Variants in LRRC4C observed in about 807,000 individuals in gnomAD.
LRRC4C encodes the protein leucine rich repeat containing 4C, also known as leucine-rich repeat-containing protein 4C.
Under a neutral mutation model 33.6 loss-of-function variants are expected in LRRC4C, and 5 were observed. The observed-to-expected ratio is 0.15, with a 90% CI of 0.08 to 0.31. LRRC4C has a LOEUF of 0.31. Ranked by LOEUF, LRRC4C falls within the 10% of genes least tolerant of loss-of-function variation. The probability of loss-of-function intolerance (pLI) is 1.00; values close to 1 mark genes in which losing one functional copy is unlikely to be tolerated. For missense variants in LRRC4C, 560 were observed against 796.7 expected, an observed-to-expected ratio of 0.70 and a Z score of 3.58; for synonymous variants, 329 against 302.0, an observed-to-expected ratio of 1.09 and a Z score of -0.93.
At chr11:41,285,198 T>C (rs1364739527) in intron 1 of LRRC4C, among the ~76,000 whole-genome samples, 3 of 152,122 alleles carry the variant, frequency 2.0e-5, no homozygotes, top group Non-Finnish European at 4.4e-5. Flanking sequence ...CACACATCTA[T>C]CCATCCATCA....
At chr11:40,528,361 T>A (rs1180165589) in intron 3 of LRRC4C, among the ~76,000 whole-genome samples, 1 of 151,992 alleles carries the variant, frequency 6.6e-6, no homozygotes, top group East Asian at 1.9e-4. Context: ...GATTTAAGAA[T>A]GAGATATAAA....
At chr11:41,456,517 C>T (rs1316740859) in intron 1 of LRRC4C, among the ~76,000 whole-genome samples, 4 of 152,094 alleles carry the variant, frequency 2.6e-5, no homozygotes, top group Non-Finnish European at 5.9e-5. Flanking sequence ...GCCTCCTTGT[C>T]TGACTTTAGC....
chr11:40,752,644 A>G (rs1475483340), intron 2 of LRRC4C, among the ~76,000 whole-genome samples: 2 of 152,072 alleles, frequency 1.3e-5, no homozygotes, highest in African/African-American at 4.8e-5. Flanking sequence ...AAGGTGTGGA[A>G]AAAAGGGAAC....
chr11:41,201,520 GAA>G (rs1228223599), intron 1 of LRRC4C, among the ~76,000 whole-genome samples: 1 of 152,116 alleles, frequency 6.6e-6, no homozygotes, highest in Admixed American at 6.6e-5. Flanking sequence ...AGTCTTTAAA[GAA>G]AAGTGTTAAA....
chr11:40,790,628 C>T (rs181758652), intron 2 of LRRC4C, among the ~76,000 whole-genome samples: 7 of 152,304 alleles, frequency 4.6e-5, no homozygotes, highest in Admixed American at 4.6e-4. Context: ...GCATAGACAA[C>T]AACATCTCAT....
intron 1 of LRRC4C, among the ~76,000 whole-genome samples, chr11:41,077,437 C>T (rs975039874): frequency 6.6e-6 from 1 of 152,188 alleles, no homozygotes; most frequent in Non-Finnish European, 1.5e-5. Context: ...CTTCTGCATT[C>T]CTGCAAGCCC....
At chr11:40,980,651 T>G (rs1852451242) in intron 1 of LRRC4C, among the ~76,000 whole-genome samples, 1 of 152,198 alleles carries the variant, frequency 6.6e-6, no homozygotes, top group South Asian at 2.1e-4. Flanking sequence ...ACTTGCGGGT[T>G]ATGGTTAGTT....
intron 3 of LRRC4C, among the ~76,000 whole-genome samples, chr11:40,626,343 C>CT (rs753378296): frequency 4.0e-5 from 6 of 151,826 alleles, no homozygotes; most frequent in South Asian, 2.1e-4. Flanking sequence ...CTCTTTCCTG[C>CT]TTTTTTTAAA....
chr11:40,882,183 AGCTTGCTG>A (rs1470764373), intron 2 of LRRC4C, among the ~76,000 whole-genome samples: 3 of 152,062 alleles, frequency 2.0e-5, no homozygotes, highest in Non-Finnish European at 4.4e-5. Context: ...AGCAGGCCTA[AGCTTGCTG>A]CTCTACACAA....
intron 1 of LRRC4C, among the ~76,000 whole-genome samples, chr11:41,288,909 G>T (rs1949912059): frequency 9.7e-6 from 1 of 103,160 alleles, no homozygotes; most frequent in African/African-American, 3.2e-5. Flanking sequence ...GGGAGGGTAT[G>T]AATGAACCTT....
chr11:40,382,565 T>C (rs1438993588), intron 3 of LRRC4C, among the ~76,000 whole-genome samples: 1 of 151,904 alleles, frequency 6.6e-6, no homozygotes, highest in Admixed American at 6.6e-5. Context: ...TAACCTAAGA[T>C]CTACTCTCTA....
chr11:40,195,613 A>G (rs1862198020), intron 5 of LRRC4C, among the ~76,000 whole-genome samples: 1 of 152,026 alleles, frequency 6.6e-6, no homozygotes, highest in Non-Finnish European at 1.5e-5. Context: ...AAAAAAAATC[A>G]CCTCTTCATG....
intron 1 of LRRC4C, among the ~76,000 whole-genome samples, chr11:40,976,544 C>T (rs901928766): frequency 1.3e-5 from 2 of 152,164 alleles, no homozygotes; most frequent in Admixed American, 6.5e-5. Flanking sequence ...AAGGCTTTAG[C>T]ATGTAGAGAA....
At chr11:40,858,765 T>C (rs1272745515) in intron 2 of LRRC4C, among the ~76,000 whole-genome samples, 1 of 151,236 alleles carries the variant, frequency 6.6e-6, no homozygotes, top group African/African-American at 2.4e-5. Flanking sequence ...AAGCTTATAT[T>C]CTGTATTCAG....
chr11:41,298,340 G>A (rs891215290), intron 1 of LRRC4C, among the ~76,000 whole-genome samples: 1 of 151,962 alleles, frequency 6.6e-6, no homozygotes, highest in African/African-American at 2.4e-5. Flanking sequence ...GCTCTCCTGG[G>A]ACTTCTTTCA....
At chr11:41,360,820 G>A (rs572547695) in intron 1 of LRRC4C, among the ~76,000 whole-genome samples, 2 of 152,158 alleles carry the variant, frequency 1.3e-5, no homozygotes, top group African/African-American at 4.8e-5. Flanking sequence ...CTTTTTTGAA[G>A]GCTTTTGTTT....
intron 3 of LRRC4C, among the ~76,000 whole-genome samples, chr11:40,542,446 C>G (rs563593180): frequency 6.6e-6 from 1 of 152,214 alleles, no homozygotes; most frequent in African/African-American, 2.4e-5. Context: ...TTTCCTCTTA[C>G]TATGATTTAT....
intron 4 of LRRC4C, among the ~76,000 whole-genome samples, chr11:40,317,545 A>T (rs1469898453): frequency 1.3e-5 from 2 of 152,032 alleles, no homozygotes; most frequent in African/African-American, 4.8e-5. Flanking sequence ...CAAGTTTCTC[A>T]ATGTATGCAT....
rs1448716611 is a variant in LRRC4C at position 40,837,448 on chromosome 11, G to A, written c.-407+96187C>T. 2.6e-5 allele frequency among the ~76,000 whole-genome samples: 4 copies of A among 151,950 alleles called. No individual in the cohort carries two copies. In the East Asian group the frequency reaches 5.8e-4, roughly 22 times the overall value. Reference sequence around the variant, plus strand: ...AATAATTGCATTTATTATTATGGAAGAATAATAGCAAAAGCTGAAAAAATA... The same window carrying A: ...AATAATTGCATTTATTATTATGGAAAAATAATAGCAAAAGCTGAAAAAATA... On this transcript the variant is annotated intron_variant, in intron 2 of 6. Coordinates refer to ENST00000528697, the MANE Select transcript of LRRC4C (RefSeq NM_001258419.2).
Sources: allele counts gnomAD v4.1 joint callset (sites outside exome capture counted in the v4.1 genomes callset), GRCh38; gene constraint gnomAD v4.1.1; transcripts MANE v1.5; gene names NCBI Gene and HGNC (gene_info 2026-07-23, HGNC 2026-07-21).